RCN2: variants seen among roughly 807,000 people sequenced by gnomAD.
The protein encoded by RCN2 is reticulocalbin 2.
Under a neutral mutation model 37.5 loss-of-function variants are expected in RCN2, and 23 were observed. The ratio of observed to expected loss-of-function variants is 0.61; its 90% CI spans 0.44 to 0.87. The LOEUF is 0.87. Ranked by LOEUF, RCN2 falls within the 40% of genes least tolerant of loss-of-function variation. RCN2 has a pLI of 0.00. For missense variants in RCN2, 381 were observed against 390.4 expected, an observed-to-expected ratio of 0.98 and a Z score of 0.20; for synonymous variants, 140 against 144.6, an observed-to-expected ratio of 0.97 and a Z score of 0.23.
At chr15:76,943,971 G>T (rs75986807) in intron 4 of RCN2, 100 bp downstream of exon 4, 2 of 387,012 alleles carry the variant, frequency 5.2e-6, no homozygotes, top group South Asian at 1.0e-4. Context: ...ATATGTTTAT[G>T]GGATACATGA....
At position 76,950,035 on chromosome 15, in the gene RCN2, C is replaced by T. The variant is rs906110640; in HGVS notation, c.*813C>T. 1 of 152,236 alleles carries T rather than the reference C, an allele frequency of 6.6e-6. No homozygotes were observed. Among genetic ancestry groups the T allele is most frequent in the Non-Finnish European group, 1.5e-5 (1 of 67,964 alleles). 9.4% of individuals were successfully genotyped at this position (152,236 alleles called of 1,614,324 possible). ...TCCCAAAACTGTCAAATTATTCTTGCTGCATTTTCTTATTTTTTTTTTAAA... is the reference window on the plus strand; with the variant it reads ...TCCCAAAACTGTCAAATTATTCTTGTTGCATTTTCTTATTTTTTTTTTAAA... On this transcript the variant is annotated 3_prime_UTR_variant, in exon 7 of 7. Transcript: ENST00000394885.
chr15:76,933,629 A>T (rs991208487), intron 2 of RCN2, among the ~76,000 whole-genome samples: 1 of 152,274 alleles, frequency 6.6e-6, no homozygotes, highest in East Asian at 1.9e-4. Flanking sequence ...CCAAATATTC[A>T]TTATACAGAT....
rs2075328325 is a variant in RCN2, at chr15:76,952,973, A to G, written c.*3751A>G. The G allele has an allele frequency of 1.4e-5, 2 of 143,462 alleles. No individual in the cohort carries two copies. Among genetic ancestry groups the G allele is most frequent in the Admixed American group, 1.4e-4 (2 of 14,300 alleles). The allele number at this position is 143,462 out of a possible 1,614,324, so 8.9% of individuals were successfully genotyped here. A position where few individuals can be genotyped will look rare whatever the true frequency, so the allele number is the denominator to read the frequency against. ...TTTGAGACGGAGTCTCACTCTTGTC[A>G]TCCAGGCTGGAGTGCAGTGGTGCGA... is the stretch of plus-strand genomic sequence containing the variant. On this transcript the variant is annotated 3_prime_UTR_variant, in exon 7 of 7. Coordinates refer to ENST00000394885, the MANE Select transcript of RCN2 (RefSeq NM_002902.3).
chr15:76,950,402 T>C lies in RCN2; in HGVS notation c.*1180T>C, dbSNP rs1307145483. Reference sequence around the variant, plus strand: ...TTTTTCATTCTTTTTTTTTTTTTTTTTTTTGTGACAGAGTCTTGCTCTGTG... The same window carrying C: ...TTTTTCATTCTTTTTTTTTTTTTTTCTTTTGTGACAGAGTCTTGCTCTGTG... On this transcript the variant is annotated 3_prime_UTR_variant, in exon 7 of 7. Transcript: ENST00000394885. 1 of 148,884 alleles carries C rather than the reference T, an allele frequency of 6.7e-6. No homozygotes were observed. The highest frequency in any genetic ancestry group is 1.5e-5 in the Non-Finnish European group (1 of 67,230). The allele number at this position is 148,884 out of a possible 1,614,324, so 9.2% of individuals were successfully genotyped here.
chr15:76,938,209 G>A (rs955319521), intron 3 of RCN2, among the ~76,000 whole-genome samples: 1 of 152,060 alleles, frequency 6.6e-6, no homozygotes, highest in South Asian at 2.1e-4. Flanking sequence ...AACTTATCCT[G>A]TTTTGGTATA....
chr15:76,933,424 T>G (rs1397368660), intron 2 of RCN2, among the ~76,000 whole-genome samples: 1 of 152,236 alleles, frequency 6.6e-6, no homozygotes, highest in African/African-American at 2.4e-5. Flanking sequence ...TCCACTTAGT[T>G]AGACAATAAT....
rs967868943 is a variant in RCN2 at position 76,944,092 on chromosome 15, A to G, written c.561+221A>G. 3.6e-5 allele frequency among the ~76,000 whole-genome samples: 5 copies of G among 140,798 alleles called. No individual in the cohort carries two copies. In the East Asian group the frequency reaches 1.0e-3, roughly 29 times the overall value. The allele number at this position is 140,798 out of a possible 152,430, so 92.4% of individuals were successfully genotyped here. ...ACTGCAAGCTCCGCCTCCCGTGTTC[A>G]CGCCATTCTCCTGCCTCAGCCTCTC... is the stretch of plus-strand genomic sequence containing the variant. On this transcript the variant is annotated intron_variant, in intron 4 of 6. Transcript: ENST00000394885.
Position 76,949,391 on chromosome 15 carries a change from T to C in RCN2, c.*169T>C. The C allele has an allele frequency of 2.2e-6, 1 of 465,052 alleles. No individual in the cohort carries two copies. Among genetic ancestry groups the C allele is most frequent in the Non-Finnish European group, 3.6e-6 (1 of 274,450 alleles). 28.8% of individuals were successfully genotyped at this position (465,052 alleles called of 1,614,324 possible). On this transcript the variant is annotated 3_prime_UTR_variant, in exon 7 of 7. Transcript: ENST00000394885. ...GTCTTTTAGGAAAAAAAAACAAAAA[T>C]CTGATATTTATTTCAAAATGTATTG... is the stretch of plus-strand genomic sequence containing the variant.
At chr15:76,937,043 CT>C (rs1323928437) in intron 3 of RCN2, among the ~76,000 whole-genome samples, 2 of 152,162 alleles carry the variant, frequency 1.3e-5, no homozygotes, top group African/African-American at 4.8e-5. Context: ...CCGTATTTGT[CT>C]TTGTAACTGG....
rs1251999791 is a variant in RCN2, at chr15:76,948,435, A to G, written c.684A>G (p.Ile228Met). The change falls in exon 6 of 7, where the codon ATA (isoleucine) becomes ATG (methionine). Residue 228 changes from isoleucine to methionine, a missense_variant. By Grantham distance (10) the Ile-to-Met change is conservative. Transcript: ENST00000394885. ...DPTANEDPEW[I>M]LVEKDRFVND... ...CTGCAAATGAAGATCCAGAATGGATACTTGTTGAGAAAGACAGATTCGTGA... is the reference window on the plus strand; with the variant it reads ...CTGCAAATGAAGATCCAGAATGGATGCTTGTTGAGAAAGACAGATTCGTGA... 1.2e-6 allele frequency: 2 copies of G among 1,606,206 alleles called. No homozygotes were observed. The highest frequency in any genetic ancestry group is 1.3e-5 in the African/African-American group (1 of 74,836).
Position 76,931,779 on chromosome 15 carries a change from C to G in RCN2, c.-63C>G. ...TGTAGCCGCCCGCGGAGCATCGCAGCCGGCCCGGGCCCCCGCCAGCCTCCC... is the reference window on the plus strand; with the variant it reads ...TGTAGCCGCCCGCGGAGCATCGCAGGCGGCCCGGGCCCCCGCCAGCCTCCC... On this transcript the variant is annotated 5_prime_UTR_variant, in exon 1 of 7. Transcript: ENST00000394885. 1 of 1,165,618 alleles carries G rather than the reference C, an allele frequency of 8.6e-7. No homozygotes were observed. Among genetic ancestry groups the G allele is most frequent in the Middle Eastern group, 2.3e-4 (1 of 4,408 alleles). The allele number at this position is 1,165,618 out of a possible 1,614,324, so 72.2% of individuals were successfully genotyped here. A position where few individuals can be genotyped will look rare whatever the true frequency, so the allele number is the denominator to read the frequency against.
intron 4 of RCN2, among the ~76,000 whole-genome samples, chr15:76,946,351 G>A (rs2075296700): frequency 6.6e-6 from 1 of 152,134 alleles, no homozygotes; most frequent in South Asian, 2.1e-4. Flanking sequence ...GGGAGACTGA[G>A]GTGAGAGGAT....
Position 76,950,981 on chromosome 15 carries a change from C to A in RCN2, c.*1759C>A, listed in dbSNP as rs925492. On this transcript the variant is annotated 3_prime_UTR_variant, in exon 7 of 7. Coordinates refer to ENST00000394885, the MANE Select transcript of RCN2 (RefSeq NM_002902.3). The stretch of plus-strand genomic sequence containing the variant: ...TACATGGTTTTCATTTTAACCTACA[C>A]TATATGTCTGGCTATAGCAGTTTTA... 144,075 of 152,276 alleles carry A rather than the reference C, an allele frequency of 0.95. 68,465 individuals are homozygous for A. The highest frequency in any genetic ancestry group is 1 in the East Asian group (5,173 of 5,174). The allele number at this position is 152,276 out of a possible 1,614,324, so 9.4% of individuals were successfully genotyped here.
Position 76,954,046 on chromosome 15 carries a change from T to C in RCN2, c.*4824T>C, listed in dbSNP as rs919193033. 6.6e-6 allele frequency: 1 copy of C among 151,508 alleles called. No homozygotes were observed. Among genetic ancestry groups the C allele is most frequent in the Admixed American group, 6.6e-5 (1 of 15,196 alleles). 9.4% of individuals were successfully genotyped at this position (151,508 alleles called of 1,614,324 possible). ...CAACACTTGCTATTTTCTGTTTTTT[T>C]TTTTTTCTTTTTTTTTTTTAATAGT... is the stretch of plus-strand genomic sequence containing the variant. On this transcript the variant is annotated 3_prime_UTR_variant, in exon 7 of 7. Coordinates refer to ENST00000394885, the MANE Select transcript of RCN2 (RefSeq NM_002902.3).
intron 5 of RCN2, 70 bp downstream of exon 5, chr15:76,947,587 A>T: frequency 1.0e-6 from 1 of 971,786 alleles, no homozygotes; most frequent in Admixed American, 2.1e-5. Flanking sequence ...AGCCTTGCTC[A>T]TTGAAAGCTC....
chr15:76,937,741 G>C (rs1229265588), intron 3 of RCN2, among the ~76,000 whole-genome samples: 1 of 152,080 alleles, frequency 6.6e-6, no homozygotes, highest in Admixed American at 6.6e-5. Context: ...TTTAGTATCT[G>C]TGTGAGTTCT....
chr15:76,941,820 A>C (rs2152650783), intron 3 of RCN2: 1 of 473,236 alleles, frequency 2.1e-6, no homozygotes, highest in Admixed American at 3.9e-5. Context: ...TCCATAGGCA[A>C]ATTTGGCCAA....
chr15:76,947,311 A>T, intron 4 of RCN2, 110 bp from the exon 5 acceptor site: 1 of 678,740 alleles, frequency 1.5e-6, no homozygotes, highest in Non-Finnish European at 2.5e-6. Flanking sequence ...CTAGAGCTCC[A>T]AAAATTATCA....
intron 1 of RCN2, 52 bp downstream of exon 1, chr15:76,932,037 C>G (rs551503219): frequency 8.9e-6 from 11 of 1,234,972 alleles, no homozygotes; most frequent in Non-Finnish European, 1.1e-5. Flanking sequence ...CCGCGGCTGC[C>G]GCGGGCTTTG....
Sources: gnomAD v4.1 joint callset for allele counts (sites outside exome capture counted in the v4.1 genomes callset) on GRCh38, gnomAD v4.1.1 for gene constraint, MANE v1.5 for transcripts, NCBI Gene and HGNC (gene_info 2026-07-23, HGNC 2026-07-21) for gene names.